ARHGAP42: variants seen among roughly 807,000 people sequenced by gnomAD.
ARHGAP42 encodes the protein Rho GTPase activating protein 42.
A neutral mutation model predicts 125.0 loss-of-function variants in ARHGAP42; 63 were observed. The ratio of observed to expected loss-of-function variants is 0.50; its 90% CI spans 0.41 to 0.62. The LOEUF is 0.62. ARHGAP42 is among the 20% of genes least tolerant of loss of function. The probability of loss-of-function intolerance (pLI) is 0.00; values close to 1 mark genes in which losing one functional copy is unlikely to be tolerated. For missense variants in ARHGAP42, 766 were observed against 1,024.2 expected (o/e 0.75, Z 3.44); for synonymous variants, 339 against 351.0 (o/e 0.97, Z 0.38).
At chr11:100,756,159 G>C (rs1180295562) in intron 1 of ARHGAP42, among the ~76,000 whole-genome samples, 1 of 145,200 alleles carries the variant, frequency 6.9e-6, no homozygotes, top group Non-Finnish European at 1.5e-5. Flanking sequence ...GCTAAGACAG[G>C]AGGATGGCTT....
chr11:100,925,615 G>A (rs914565069), intron 6 of ARHGAP42, among the ~76,000 whole-genome samples: 1 of 152,116 alleles, frequency 6.6e-6, no homozygotes, highest in Non-Finnish European at 1.5e-5. Flanking sequence ...GTGGGTGCCT[G>A]TAATCCCAGC....
At chr11:100,713,493 A>G (rs1035792510) in intron 1 of ARHGAP42, among the ~76,000 whole-genome samples, 12 of 152,200 alleles carry the variant, frequency 7.9e-5, no homozygotes, top group Admixed American at 5.2e-4. Flanking sequence ...TATTTTAAAT[A>G]TGGGATAACT....
chr11:100,863,925 G>A (rs143585956), intron 4 of ARHGAP42, among the ~76,000 whole-genome samples: 3 of 152,232 alleles, frequency 2.0e-5, no homozygotes, highest in Non-Finnish European at 2.9e-5. Flanking sequence ...ATCTGTAATC[G>A]TCGTATTAGC....
At chr11:100,690,001 T>G (rs1861159612) in intron 1 of ARHGAP42, among the ~76,000 whole-genome samples, 1 of 152,152 alleles carries the variant, frequency 6.6e-6, no homozygotes, top group East Asian at 1.9e-4. Flanking sequence ...GTTCTATCAC[T>G]GGCTGCCCCT....
chr11:100,820,940 T>G (rs1864390305), intron 3 of ARHGAP42, among the ~76,000 whole-genome samples: 1 of 148,100 alleles, frequency 6.8e-6, no homozygotes, highest in Non-Finnish European at 1.5e-5. Flanking sequence ...TAACTGTGGG[T>G]CATCTTTTTT....
At chr11:100,773,838 G>A (rs625761) in intron 2 of ARHGAP42, among the ~76,000 whole-genome samples, 115,964 of 152,102 alleles carry the variant, frequency 0.76, 44,472 homozygotes, top group East Asian at 1. Flanking sequence ...TTAATGCTAT[G>A]TGGGCTTTGT....
At chr11:100,929,887 G>A (rs1053629616) in intron 6 of ARHGAP42, among the ~76,000 whole-genome samples, 2 of 152,078 alleles carry the variant, frequency 1.3e-5, no homozygotes, top group Admixed American at 6.6e-5. Context: ...TGTACATGAA[G>A]CACGAGTTTT....
chr11:100,855,571 A>G (rs1413793785), intron 3 of ARHGAP42, among the ~76,000 whole-genome samples: 1 of 152,070 alleles, frequency 6.6e-6, no homozygotes, highest in Non-Finnish European at 1.5e-5. Context: ...TGGGGGAAAA[A>G]AAGGAAATCC....
intron 1 of ARHGAP42, among the ~76,000 whole-genome samples, chr11:100,749,871 T>C (rs1290505847): frequency 6.6e-6 from 1 of 152,154 alleles, no homozygotes; most frequent in African/African-American, 2.4e-5. Flanking sequence ...CTTTACCGGC[T>C]CCCGCAGCTT....
intron 1 of ARHGAP42, among the ~76,000 whole-genome samples, chr11:100,705,323 C>T (rs1861466828): frequency 6.6e-6 from 1 of 152,164 alleles, no homozygotes; most frequent in African/African-American, 2.4e-5. Context: ...AAGATTTAGC[C>T]TTAACAGTAG....
At chr11:100,912,646 A>G (rs1489524714) in intron 4 of ARHGAP42, among the ~76,000 whole-genome samples, 2 of 152,216 alleles carry the variant, frequency 1.3e-5, no homozygotes, top group African/African-American at 4.8e-5. Flanking sequence ...GTAGAAGATT[A>G]TATGCCCAGG....
At chr11:100,793,319 A>T (rs1863617721) in intron 2 of ARHGAP42, among the ~76,000 whole-genome samples, 1 of 152,196 alleles carries the variant, frequency 6.6e-6, no homozygotes, top group South Asian at 2.1e-4. Flanking sequence ...TTATATAATA[A>T]TTTTTTGTTC....
rs568099690 is a variant in ARHGAP42 at position 100,752,280 on chromosome 11, A to T, written c.155-18063A>T. Among the ~76,000 whole-genome samples, 10 of 152,314 alleles carry T rather than the reference A, an allele frequency of 6.6e-5. No homozygotes were observed. The East Asian group carries it at 1.9e-3, about 29-fold the overall frequency. ...GAGAAGCCCCAGTTATTTCACAGTCATGGATGAGGGGTAAAAGAAGTTCCC... is the reference window on the plus strand; with the variant it reads ...GAGAAGCCCCAGTTATTTCACAGTCTTGGATGAGGGGTAAAAGAAGTTCCC... On this transcript the variant is annotated intron_variant, in intron 1 of 23. Coordinates refer to ENST00000298815, the MANE Select transcript of ARHGAP42 (RefSeq NM_152432.4).
rs551780767 is a variant in ARHGAP42 at position 100,938,368 on chromosome 11, C to T, written c.832+2036C>T. Among the ~76,000 whole-genome samples, 5 of 152,160 alleles carry T rather than the reference C, an allele frequency of 3.3e-5. No homozygotes were observed. The South Asian group carries it at 1.0e-3, about 32-fold the overall frequency. ...GGTTGTGTCCTTGTTTTGATGGACC[C>T]TTAGCAGTGTCTGAATTGGAGGGTC... On this transcript the variant is annotated intron_variant, in intron 8 of 23. Transcript: ENST00000298815.
At chr11:100,691,206 C>G (rs1861183517) in intron 1 of ARHGAP42, among the ~76,000 whole-genome samples, 1 of 152,150 alleles carries the variant, frequency 6.6e-6, no homozygotes, top group African/African-American at 2.4e-5. Flanking sequence ...CATCTCTACC[C>G]TTTTCATCAA....
Position 100,979,010 on chromosome 11 carries a change from T to C in ARHGAP42, c.2417T>C (p.Phe806Ser). The change falls in exon 22 of 24, where the codon TTT (phenylalanine) becomes TCT (serine). Residue 806 changes from phenylalanine to serine, a missense_variant. Physicochemically the swap from Phe to Ser is radical, Grantham distance 155. Around this residue, in one of 3 missense-constraint regions of ARHGAP42, gnomAD observed 308 missense variants for 369.7 expected, o/e 0.83. Transcript: ENST00000298815. The part of the protein sequence containing the change: ...GSVVAAKAQL[F>S]ENVGSPKPVS... ...AGAGTGGCAGCAAAAGCTCAACTGT[T>C]TGAAAATGTTGGTTCACCTAAACCA... is the stretch of plus-strand genomic sequence containing the variant. 6.4e-7 allele frequency: 1 copy of C among 1,551,532 alleles called. No individual in the cohort carries two copies. Among genetic ancestry groups the C allele is most frequent in the Non-Finnish European group, 8.7e-7 (1 of 1,146,834 alleles).
intron 4 of ARHGAP42, among the ~76,000 whole-genome samples, chr11:100,860,238 C>T (rs1023852510): frequency 6.6e-6 from 1 of 151,992 alleles, no homozygotes; most frequent in African/African-American, 2.4e-5. Context: ...TCATTCTTAC[C>T]CTGTTTGAGT....
intron 1 of ARHGAP42, among the ~76,000 whole-genome samples, chr11:100,729,072 GTCTCTC>G (rs141776807): frequency 6.7e-6 from 1 of 150,242 alleles, no homozygotes; most frequent in East Asian, 2.0e-4. Context: ...CGCAGCCTCT[GTCTCTC>G]TCTCTCTCTC....
At chr11:100,853,406 A>G (rs1865250710) in intron 3 of ARHGAP42, among the ~76,000 whole-genome samples, 1 of 152,176 alleles carries the variant, frequency 6.6e-6, no homozygotes, top group Non-Finnish European at 1.5e-5. Context: ...CACAATGCTT[A>G]AATGTTTAAA....
Sources: allele counts gnomAD v4.1 joint callset (sites outside exome capture counted in the v4.1 genomes callset), GRCh38; gene constraint gnomAD v4.1.1; regional missense constraint gnomAD v4.1.1; transcripts MANE v1.5; gene names NCBI Gene and HGNC (gene_info 2026-07-23, HGNC 2026-07-21).